SLIT2: variants seen among roughly 807,000 people sequenced by gnomAD.
SLIT2 encodes slit homolog 2 protein.
SLIT2 carries 41 observed loss-of-function variants against 185.7 expected under a neutral mutation model. The ratio of observed to expected loss-of-function variants is 0.22; its 90% CI spans 0.17 to 0.29. The LOEUF is 0.29. Among genes scored for constraint, SLIT2 ranks in the 10% least tolerant of loss-of-function variants. The pLI is 1.00. For missense variants in SLIT2, 1,571 were observed against 1,909.0 expected, an observed-to-expected ratio of 0.82 and a Z score of 3.30; for synonymous variants, 693 against 680.2, an observed-to-expected ratio of 1.02 and a Z score of -0.29.
intron 4 of SLIT2, among the ~76,000 whole-genome samples, chr4:20,355,732 T>A (rs2109277314): frequency 6.6e-6 from 1 of 152,302 alleles, no homozygotes; most frequent in South Asian, 2.1e-4. Flanking sequence ...ATATTCCAGG[T>A]GGTCTTTTCA....
intron 29 of SLIT2, among the ~76,000 whole-genome samples, chr4:20,587,509 G>A (rs1265015987): frequency 1.3e-5 from 2 of 152,184 alleles, no homozygotes; most frequent in African/African-American, 4.8e-5. Context: ...TAATCTTAAA[G>A]CTGTTGATTA....
chr4:20,278,865 T>G, intron 4 of SLIT2, among the ~76,000 whole-genome samples: 1 of 151,892 alleles, frequency 6.6e-6, no homozygotes, highest in South Asian at 2.1e-4. Flanking sequence ...GCATACTGAG[T>G]GCTTAAGAAA....
intron 5 of SLIT2, among the ~76,000 whole-genome samples, chr4:20,480,104 GA>G (rs1321733689): frequency 6.6e-5 from 10 of 152,298 alleles, no homozygotes; most frequent in African/African-American, 2.4e-4. Context: ...GAATTAGTAG[GA>G]TAGTGACACT....
At chr4:20,313,354 G>T (rs1718290190) in intron 4 of SLIT2, among the ~76,000 whole-genome samples, 1 of 152,072 alleles carries the variant, frequency 6.6e-6, no homozygotes, top group African/African-American at 2.4e-5. Context: ...GATGCCGTAT[G>T]TTTTTAAACA....
At chr4:20,359,959 T>A (rs765589334) in intron 4 of SLIT2, among the ~76,000 whole-genome samples, 2 of 152,186 alleles carry the variant, frequency 1.3e-5, no homozygotes, top group South Asian at 4.2e-4. Flanking sequence ...GTGAAGATGA[T>A]GCGGTTGTTG....
intron 4 of SLIT2, among the ~76,000 whole-genome samples, chr4:20,459,958 G>A (rs557729675): frequency 6.6e-6 from 1 of 150,468 alleles, no homozygotes; most frequent in Non-Finnish European, 1.5e-5. Context: ...CTGCCTCCCA[G>A]TTTCAAGCGA....
chr4:20,534,441 A>G (rs1258862353), intron 18 of SLIT2, among the ~76,000 whole-genome samples: 2 of 152,204 alleles, frequency 1.3e-5, no homozygotes, highest in African/African-American at 4.8e-5. Context: ...AGGTATTTCA[A>G]TCAAACATAC....
At chr4:20,363,178 T>G (rs959632309) in intron 4 of SLIT2, among the ~76,000 whole-genome samples, 2 of 152,126 alleles carry the variant, frequency 1.3e-5, no homozygotes, top group African/African-American at 4.8e-5. Context: ...CTAAACAATC[T>G]GACATTAAAA....
chr4:20,619,078 C>G lies in SLIT2; in HGVS notation c.*69C>G. 7.0e-7 allele frequency: 1 copy of G among 1,419,260 alleles called. No individual in the cohort carries two copies. Among genetic ancestry groups the G allele is most frequent in the South Asian group, 1.4e-5 (1 of 73,782 alleles). 87.9% of individuals were successfully genotyped at this position (1,419,260 alleles called of 1,614,324 possible). A position where few individuals can be genotyped will look rare whatever the true frequency, so the allele number is the denominator to read the frequency against. On this transcript the variant is annotated 3_prime_UTR_variant, in exon 37 of 37. Transcript: ENST00000504154. ...CTTGACCGTGTGGGACTAATGAATGCTTCATAGTGGAAATATTTGAAATAT... is the reference window on the plus strand; with the variant it reads ...CTTGACCGTGTGGGACTAATGAATGGTTCATAGTGGAAATATTTGAAATAT...
chr4:20,350,119 G>T (rs551108096), intron 4 of SLIT2, among the ~76,000 whole-genome samples: 40 of 152,210 alleles, frequency 2.6e-4, no homozygotes, highest in Admixed American at 4.6e-4. Context: ...TGTACTTCTT[G>T]TTCAGATTGC....
intron 4 of SLIT2, among the ~76,000 whole-genome samples, chr4:20,396,336 A>G (rs1725886979): frequency 6.6e-6 from 1 of 151,912 alleles, no homozygotes; most frequent in South Asian, 2.1e-4. Context: ...TAAAGAAGAT[A>G]TGGTAATCAT....
intron 9 of SLIT2, among the ~76,000 whole-genome samples, chr4:20,494,230 G>C (rs569482585): frequency 6.6e-6 from 1 of 152,216 alleles, no homozygotes; most frequent in Non-Finnish European, 1.5e-5. Flanking sequence ...GTCAGTGACA[G>C]TAGGAATGGT....
chr4:20,419,185 A>G (rs918108259), intron 4 of SLIT2, among the ~76,000 whole-genome samples: 1 of 152,220 alleles, frequency 6.6e-6, no homozygotes, highest in Non-Finnish European at 1.5e-5. Context: ...ATACTTCTAC[A>G]GTATCTAGAA....
At chr4:20,490,800 T>C in intron 8 of SLIT2, 1 of 1,517,920 alleles carries the variant, frequency 6.6e-7, no homozygotes. Flanking sequence ...TTCTGTTTTC[T>C]AGATGAGGAA....
intron 16 of SLIT2, among the ~76,000 whole-genome samples, chr4:20,529,941 TAG>T (rs1721638627): frequency 1.3e-5 from 2 of 152,232 alleles, no homozygotes; most frequent in Non-Finnish European, 2.9e-5. Flanking sequence ...AACTAGATTA[TAG>T]CTCCTTGATG....
At chr4:20,477,153 C>T (rs113641019) in intron 5 of SLIT2, among the ~76,000 whole-genome samples, 14 of 58,364 alleles carry the variant, frequency 2.4e-4, no homozygotes, top group African/African-American at 1.2e-3. Flanking sequence ...TACCTCCTAC[C>T]ATAAAAAAAA....
intron 4 of SLIT2, among the ~76,000 whole-genome samples, chr4:20,466,205 A>C (rs1316234471): frequency 6.6e-6 from 1 of 151,974 alleles, no homozygotes; most frequent in East Asian, 1.9e-4. Context: ...TCTGTCATCG[A>C]GGCTTTTAAA....
rs537276757 is a variant in SLIT2 at position 20,580,362 on chromosome 4, C to G, written c.3089-9282C>G. On this transcript the variant is annotated intron_variant, in intron 29 of 36. Coordinates refer to ENST00000504154, the MANE Select transcript of SLIT2 (RefSeq NM_004787.4). The stretch of plus-strand genomic sequence containing the variant: ...TGATATAATGTAAAGTAATAAAACA[C>G]TTTCAGGATTATTTTTATACTTAAT... Among the ~76,000 whole-genome samples, 5 of 150,838 alleles carry G rather than the reference C, an allele frequency of 3.3e-5. No homozygotes were observed. The South Asian group carries it at 1.0e-3, about 32-fold the overall frequency.
intron 4 of SLIT2, among the ~76,000 whole-genome samples, chr4:20,326,684 A>G (rs867341716): frequency 2.1e-4 from 29 of 140,704 alleles, no homozygotes; most frequent in Middle Eastern, 4.1e-3. Context: ...GGAATTATCT[A>G]CTCAGTTTTT....
Sources: gnomAD v4.1 joint callset for allele counts (sites outside exome capture counted in the v4.1 genomes callset) on GRCh38, gnomAD v4.1.1 for gene constraint, MANE v1.5 for transcripts, NCBI Gene and HGNC (gene_info 2026-07-23, HGNC 2026-07-21) for gene names.